Variants in XPO1 observed in about 807,000 individuals in gnomAD.
XPO1 encodes the protein exportin 1, also known as exportin-1.
XPO1 carries 5 observed loss-of-function variants against 133.3 expected under a neutral mutation model. The observed-to-expected ratio is 0.04, with a 90% CI of 0.02 to 0.08. XPO1 has a LOEUF of 0.08. XPO1 is among the 10% of genes least tolerant of loss of function. The pLI is 1.00. For missense variants in XPO1, 506 were observed against 1,267.5 expected (o/e 0.40, Z 9.12); for synonymous variants, 419 against 408.2 (o/e 1.03, Z -0.32).
chr2:61,480,073 C>G (rs1000919816), intron 24 of XPO1, among the ~76,000 whole-genome samples: 1 of 151,876 alleles, frequency 6.6e-6, no homozygotes, highest in Non-Finnish European at 1.5e-5. Flanking sequence ...CCATGTTGGC[C>G]GGGCTGATCC....
At chr2:61,487,392 T>C (rs1012406698) in intron 19 of XPO1, among the ~76,000 whole-genome samples, 12 of 152,242 alleles carry the variant, frequency 7.9e-5, no homozygotes, top group African/African-American at 2.9e-4. Context: ...AATACGCATG[T>C]TCAGAACCTT....
intron 4 of XPO1, among the ~76,000 whole-genome samples, chr2:61,506,582 G>C (rs1697825790): frequency 1.0e-5 from 1 of 98,950 alleles, no homozygotes; most frequent in African/African-American, 4.2e-5. Flanking sequence ...CTGGGCGACA[G>C]AGCAAGATTC....
intron 4 of XPO1, among the ~76,000 whole-genome samples, chr2:61,518,406 AC>A (rs1698507635): frequency 2.8e-5 from 4 of 143,498 alleles, no homozygotes; most frequent in Admixed American, 6.9e-5. Context: ...AAAACAAAAA[AC>A]AAAAAACAAA....
Position 61,525,206 on chromosome 2 carries a change from A to G in XPO1, c.228+1214T>C, listed in dbSNP as rs991055724. On this transcript the variant is annotated intron_variant, in intron 3 of 24. Transcript: ENST00000401558. ...GCATTGAATTCCCCTTTCCCCTCCC[A>G]CCGCCCATGAAACAAAAACAATTGA... is the stretch of plus-strand genomic sequence containing the variant. The G allele has an allele frequency of 3.1e-5, 29 of 939,618 alleles. No individual in the cohort carries two copies. In the African/African-American group the frequency reaches 5.1e-4, roughly 17 times the overall value. 58.2% of individuals were successfully genotyped at this position (939,618 alleles called of 1,614,324 possible).
intron 4 of XPO1, among the ~76,000 whole-genome samples, chr2:61,516,152 A>C (rs1698380166): frequency 6.7e-6 from 1 of 150,136 alleles, no homozygotes; most frequent in Non-Finnish European, 1.5e-5. Context: ...AAAACAAAAC[A>C]AAACCAACCT....
intron 2 of XPO1, among the ~76,000 whole-genome samples, chr2:61,532,737 G>A (rs1329808486): frequency 1.3e-5 from 2 of 151,474 alleles, no homozygotes; most frequent in Non-Finnish European, 2.9e-5. Flanking sequence ...GGAGGCTAAG[G>A]CAGGTGAATT....
intron 4 of XPO1, among the ~76,000 whole-genome samples, chr2:61,509,517 A>T (rs7557230): frequency 0.63 from 95,503 of 151,770 alleles, 30,223 homozygotes; most frequent in Middle Eastern, 0.7. Context: ...TCCCAACTAC[A>T]CAGGAGGATG....
At chr2:61,481,346 G>A (rs911051477) in intron 23 of XPO1, 65 bp from the exon 24 acceptor site, 3 of 1,285,062 alleles carry the variant, frequency 2.3e-6, no homozygotes, top group Non-Finnish European at 3.2e-6. Flanking sequence ...GTATTGCTCT[G>A]TCACCAGGCT....
At chr2:61,482,326 T>C in intron 23 of XPO1, 54 bp downstream of exon 23, 9 of 1,500,810 alleles carry the variant, frequency 6.0e-6, no homozygotes, top group Non-Finnish European at 8.1e-6. Flanking sequence ...ATTACAGGTG[T>C]GAGCCACTGT....
At chr2:61,486,768 CATCA>C (rs892799734) in intron 19 of XPO1, among the ~76,000 whole-genome samples, 1 of 152,090 alleles carries the variant, frequency 6.6e-6, no homozygotes, top group Non-Finnish European at 1.5e-5. Flanking sequence ...GCAGAAATAA[CATCA>C]ATCAATTACT....
chr2:61,493,317 A>C (rs1468574649), intron 12 of XPO1: 3 of 306,326 alleles, frequency 9.8e-6, no homozygotes, highest in Non-Finnish European at 1.8e-5. Context: ...ACAACAGAAA[A>C]AACTATGTAA....
chr2:61,528,383 C>G (rs573321585), intron 2 of XPO1, among the ~76,000 whole-genome samples: 56 of 151,956 alleles, frequency 3.7e-4, no homozygotes, highest in Non-Finnish European at 6.0e-4. Context: ...GCCTGTAATC[C>G]TGGCACTATG....
rs1698025099 is a variant in XPO1, at chr2:61,510,306, C to T, written c.302-7996G>A. ...AACAAAACAAAAAAACACACAAAAT[C>T]GATCTTTTGAAAGATGGTCAATAAA... On this transcript the variant is annotated intron_variant, in intron 4 of 24. Transcript: ENST00000401558. Among the ~76,000 whole-genome samples, 4 of 152,058 alleles carry T rather than the reference C, an allele frequency of 2.6e-5. No homozygotes were observed. The South Asian group carries it at 8.3e-4, about 31-fold the overall frequency.
intron 4 of XPO1, among the ~76,000 whole-genome samples, chr2:61,503,763 C>T (rs1321223346): frequency 2.0e-5 from 3 of 152,030 alleles, no homozygotes; most frequent in Non-Finnish European, 1.5e-5. Flanking sequence ...GACATGTTTT[C>T]ACCATGTTGG....
At chr2:61,521,483 A>AT (rs1365465576) in intron 4 of XPO1, among the ~76,000 whole-genome samples, 2 of 152,240 alleles carry the variant, frequency 1.3e-5, no homozygotes, top group Non-Finnish European at 2.9e-5. Context: ...GCAGTGTATC[A>AT]TAACTGAAAT....
At chr2:61,521,385 T>C (rs1052567256) in intron 4 of XPO1, among the ~76,000 whole-genome samples, 2 of 152,072 alleles carry the variant, frequency 1.3e-5, no homozygotes, top group African/African-American at 2.4e-5. Flanking sequence ...TAAATGAAAA[T>C]ACTACTAGAA....
chr2:61,507,805 G>C (rs543527563), intron 4 of XPO1, among the ~76,000 whole-genome samples: 2 of 152,286 alleles, frequency 1.3e-5, no homozygotes, highest in Admixed American at 6.5e-5. Context: ...TTAAACCTGG[G>C]AGGTGGAGAA....
intron 4 of XPO1, among the ~76,000 whole-genome samples, chr2:61,507,668 A>C (rs1697895091): frequency 6.6e-6 from 1 of 152,128 alleles, no homozygotes; most frequent in Admixed American, 6.5e-5. Flanking sequence ...ACGTGAGGCC[A>C]GGAGTTCGAG....
At chr2:61,514,964 G>A (rs888443857) in intron 4 of XPO1, among the ~76,000 whole-genome samples, 2 of 151,774 alleles carry the variant, frequency 1.3e-5, no homozygotes, top group African/African-American at 4.8e-5. Context: ...ACCTACTTGG[G>A]AGGCTGAGGC....
Sources: gnomAD v4.1 joint callset for allele counts (sites outside exome capture counted in the v4.1 genomes callset) on GRCh38, gnomAD v4.1.1 for gene constraint, MANE v1.5 for transcripts, NCBI Gene and HGNC (gene_info 2026-07-23, HGNC 2026-07-21) for gene names.